RUNDC3B: variants seen among roughly 807,000 people sequenced by gnomAD.
RUNDC3B encodes RUN domain containing 3B.
RUNDC3B carries 33 observed loss-of-function variants against 58.4 expected under a neutral mutation model. The ratio of observed to expected loss-of-function variants is 0.56; its 90% CI spans 0.43 to 0.75. The LOEUF (loss-of-function observed/expected upper bound fraction) is 0.75, where lower values mean the gene tolerates loss of function less well. RUNDC3B is among the 30% of genes least tolerant of loss of function. RUNDC3B has a pLI of 0.00. For missense variants in RUNDC3B, 501 were observed against 535.7 expected, an observed-to-expected ratio of 0.94 and a Z score of 0.64; for synonymous variants, 193 against 195.2, an observed-to-expected ratio of 0.99 and a Z score of 0.10.
At chr7:87,688,140 A>G (rs1382377341) in intron 2 of RUNDC3B, among the ~76,000 whole-genome samples, 1 of 152,158 alleles carries the variant, frequency 6.6e-6, no homozygotes, top group Non-Finnish European at 1.5e-5. Flanking sequence ...TAAGTTATGT[A>G]CTTGGAAATT....
chr7:87,826,211 G>T (rs576186090), intron 10 of RUNDC3B, among the ~76,000 whole-genome samples: 2 of 152,102 alleles, frequency 1.3e-5, no homozygotes, highest in Non-Finnish European at 2.9e-5. Flanking sequence ...CTGGTGGGAG[G>T]TGATTTAATT....
rs780726388 is a variant in RUNDC3B, at chr7:87,799,199, A to G, written c.957-8174A>G. 3.4e-4 allele frequency among the ~76,000 whole-genome samples: 51 copies of G among 152,216 alleles called. 1 individual carries two copies. Among genetic ancestry groups the G allele is most frequent in the Non-Finnish European group, 6.9e-4 (47 of 68,030 alleles). ...AGTATGGTGAGTCAGGCCCAGTTCT[A>G]GGCGCTGGTGATTCAAGAATGAATT... On this transcript the variant is annotated intron_variant, in intron 8 of 10. Transcript: ENST00000394654.
intron 8 of RUNDC3B, among the ~76,000 whole-genome samples, chr7:87,790,016 A>G (rs1477710331): frequency 6.6e-6 from 1 of 152,182 alleles, no homozygotes; most frequent in African/African-American, 2.4e-5. Context: ...CTGGAACCCT[A>G]GGGCCTTGAG....
chr7:87,740,583 C>G (rs1832260495), intron 5 of RUNDC3B, among the ~76,000 whole-genome samples: 1 of 151,976 alleles, frequency 6.6e-6, no homozygotes, highest in Non-Finnish European at 1.5e-5. Context: ...TTTGAAAATT[C>G]AGGAATATTA....
intron 2 of RUNDC3B, among the ~76,000 whole-genome samples, chr7:87,670,216 A>C (rs1347980110): frequency 6.6e-6 from 1 of 152,134 alleles, no homozygotes; most frequent in African/African-American, 2.4e-5. Flanking sequence ...ATTTCAGAGA[A>C]CCAGTCTTCA....
chr7:87,670,327 T>A (rs541264366), intron 2 of RUNDC3B, among the ~76,000 whole-genome samples: 1 of 152,244 alleles, frequency 6.6e-6, no homozygotes, highest in African/African-American at 2.4e-5. Context: ...GTCAGACCCA[T>A]TGGGTTCTGT....
At position 87,811,867 on chromosome 7, in the gene RUNDC3B, T is replaced by C. The variant is rs1013085516; in HGVS notation, c.1104-4274T>C. ...TTAAGAGAATATAGATATTCTCCTG[T>C]AGCAAATGATTATTTTGTTCCTTAG... On this transcript the variant is annotated intron_variant, in intron 9 of 10. Coordinates refer to ENST00000394654, the MANE Select transcript of RUNDC3B (RefSeq NM_001134405.2). 3.9e-5 allele frequency among the ~76,000 whole-genome samples: 6 copies of C among 152,230 alleles called. No homozygotes were observed. In the East Asian group the frequency reaches 1.2e-3, roughly 29 times the overall value.
intron 2 of RUNDC3B, among the ~76,000 whole-genome samples, chr7:87,671,355 A>G (rs1418501198): frequency 6.6e-6 from 1 of 152,064 alleles, no homozygotes; most frequent in Admixed American, 6.5e-5. Context: ...CTGTCCAGGG[A>G]GTTGCCAAGT....
intron 2 of RUNDC3B, among the ~76,000 whole-genome samples, chr7:87,657,340 C>T (rs917818908): frequency 2.6e-5 from 4 of 152,128 alleles, no homozygotes; most frequent in African/African-American, 9.7e-5. Flanking sequence ...AGCCAAAGGA[C>T]CAGAGAAAGA....
At chr7:87,657,238 G>A (rs1450942986) in intron 2 of RUNDC3B, among the ~76,000 whole-genome samples, 2 of 152,124 alleles carry the variant, frequency 1.3e-5, no homozygotes, top group African/African-American at 4.8e-5. Flanking sequence ...CCCAGACTGG[G>A]TGTTGGATAA....
chr7:87,723,842 G>A (rs1410380714), intron 4 of RUNDC3B, among the ~76,000 whole-genome samples: 1 of 152,016 alleles, frequency 6.6e-6, no homozygotes, highest in Non-Finnish European at 1.5e-5. Flanking sequence ...TAAAAAAAAA[G>A]TGAAATTGGA....
intron 4 of RUNDC3B, among the ~76,000 whole-genome samples, chr7:87,721,785 C>T (rs529826477): frequency 9.2e-5 from 14 of 151,996 alleles, no homozygotes; most frequent in Non-Finnish European, 1.8e-4. Context: ...CTCTCTCTCT[C>T]TCTCTCTGTC....
intron 3 of RUNDC3B, among the ~76,000 whole-genome samples, chr7:87,702,017 C>A (rs1482157718): frequency 2.0e-5 from 3 of 151,414 alleles, no homozygotes; most frequent in Non-Finnish European, 4.4e-5. Flanking sequence ...GTGGTGGGCA[C>A]CTGTAATCCC....
At chr7:87,680,119 A>T (rs74817820) in intron 2 of RUNDC3B, among the ~76,000 whole-genome samples, 6 of 150,350 alleles carry the variant, frequency 4.0e-5, no homozygotes, top group Non-Finnish European at 8.8e-5. Context: ...GAGTGAGAAC[A>T]TGCAGTGTTT....
intron 4 of RUNDC3B, chr7:87,713,050 G>T (rs903835439): frequency 6.6e-6 from 1 of 151,984 alleles, no homozygotes. Context: ...TGAAACCAAA[G>T]AAATTCTTAA....
At chr7:87,710,712 A>C in intron 4 of RUNDC3B, 57 bp downstream of exon 4, 1 of 936,206 alleles carries the variant, frequency 1.1e-6, no homozygotes, top group East Asian at 2.5e-5. Context: ...CTGAAGACTC[A>C]GAAATCAGAA....
chr7:87,666,299 G>T (rs1314165022), intron 2 of RUNDC3B, among the ~76,000 whole-genome samples: 1 of 152,042 alleles, frequency 6.6e-6, no homozygotes, highest in Non-Finnish European at 1.5e-5. Flanking sequence ...TTTGAAAAGT[G>T]TCTGTTCATG....
In RUNDC3B at chr7:87,714,221, C is replaced by T. The variant is rs989068675; in HGVS notation, c.458+3566C>T. Among the ~76,000 whole-genome samples the T allele has an allele frequency of 1.6e-4, 25 of 152,230 alleles. No homozygotes were observed. The East Asian group carries it at 1.7e-3, about 11-fold the overall frequency. ...GCTCTCTCTTTGTTCTTAGGCGGAT[C>T]GGCAGGTTGAGAAATAATAGACACA... On this transcript the variant is annotated intron_variant, in intron 4 of 10. Transcript: ENST00000394654.
chr7:87,821,853 A>G (rs1165022297), intron 10 of RUNDC3B, among the ~76,000 whole-genome samples: 1 of 152,198 alleles, frequency 6.6e-6, no homozygotes, highest in Non-Finnish European at 1.5e-5. Flanking sequence ...GAAAGCTGAA[A>G]CTGGATCCCT....
Sources: allele counts gnomAD v4.1 joint callset (sites outside exome capture counted in the v4.1 genomes callset), GRCh38; gene constraint gnomAD v4.1.1; transcripts MANE v1.5; gene names NCBI Gene and HGNC (gene_info 2026-07-23, HGNC 2026-07-21).